ITPK1: variants seen among roughly 807,000 people sequenced by gnomAD.
ITPK1 encodes the protein inositol 1,3,4-trisphosphate 5/6-kinase.
In ITPK1, 21 loss-of-function variants were observed where a neutral mutation model predicts 45.3. That is an observed-to-expected ratio of 0.46 (90% CI 0.33 to 0.67). The LOEUF (loss-of-function observed/expected upper bound fraction) is 0.67, where lower values mean the gene tolerates loss of function less well. Among genes scored for constraint, ITPK1 ranks in the 30% least tolerant of loss-of-function variants. The pLI is 0.02. For missense variants in ITPK1, 474 were observed against 573.5 expected (o/e 0.83, Z 1.77); for synonymous variants, 258 against 253.6 (o/e 1.02, Z -0.16).
chr14:93,079,023 C>T (rs2139988046), intron 2 of ITPK1, among the ~76,000 whole-genome samples: 1 of 152,310 alleles, frequency 6.6e-6, no homozygotes, highest in East Asian at 1.9e-4. Flanking sequence ...TGAGTCAACC[C>T]TGCTGGCATC....
At chr14:93,028,684 A>G (rs61009357) in intron 3 of ITPK1, among the ~76,000 whole-genome samples, 5,341 of 152,272 alleles carry the variant, frequency 0.035, 328 homozygotes, top group African/African-American at 0.12. Flanking sequence ...CACCTCCCCA[A>G]GCGGATGTCA....
chr14:92,971,021 CCTTT>C (rs1214353105), intron 5 of ITPK1, among the ~76,000 whole-genome samples: 1 of 152,156 alleles, frequency 6.6e-6, no homozygotes, highest in Admixed American at 6.5e-5. Flanking sequence ...CCCCACACGC[CCTTT>C]CTTTCCCCTC....
At chr14:93,027,786 T>G (rs559941632) in intron 3 of ITPK1, among the ~76,000 whole-genome samples, 1 of 152,302 alleles carries the variant, frequency 6.6e-6, no homozygotes, top group East Asian at 1.9e-4. Context: ...ATGGCACACG[T>G]GACAACCTCA....
intron 3 of ITPK1, among the ~76,000 whole-genome samples, chr14:93,065,913 T>A (rs530760436): frequency 6.6e-6 from 1 of 151,972 alleles, no homozygotes; most frequent in East Asian, 1.9e-4. Flanking sequence ...GCTCAACTGT[T>A]CCCCCAAATG....
At chr14:92,981,976 G>C (rs1886256849) in intron 5 of ITPK1, among the ~76,000 whole-genome samples, 1 of 152,220 alleles carries the variant, frequency 6.6e-6, no homozygotes, top group African/African-American at 2.4e-5. Context: ...GGTCAAGAGG[G>C]GTGCCCCTGG....
At chr14:93,047,257 G>A in intron 3 of ITPK1, among the ~76,000 whole-genome samples, 1 of 152,198 alleles carries the variant, frequency 6.6e-6, no homozygotes, top group East Asian at 1.9e-4. Flanking sequence ...ACTCACTTTG[G>A]GGTGGGCAAG....
At chr14:92,990,857 C>A (rs990291849) in intron 5 of ITPK1, among the ~76,000 whole-genome samples, 3 of 152,194 alleles carry the variant, frequency 2.0e-5, no homozygotes, top group Non-Finnish European at 2.9e-5. Flanking sequence ...ACTGCCCACC[C>A]CCACCGCAAA....
rs759209329 is a variant in ITPK1, at chr14:93,016,789, G to T, written c.133C>A (p.Arg45=). Residue 45 remains arginine, a synonymous_variant, in exon 4 of 11, where the codon CGG becomes AGG. Coordinates refer to ENST00000267615, the MANE Select transcript of ITPK1 (RefSeq NM_014216.6). The surrounding 1 kb of genome is among the most constrained non-coding windows in gnomAD (Gnocchi z 5.0). ...AGGGGGCCCTGCTCCTCGATCGGCC[G>T]GCTAAGGTTCAGCTGTGAGGCAGGG... The part of the protein sequence containing the change: ...GMEVVQLNLS[R]PIEEQGPLDV... 6.2e-7 allele frequency: 1 copy of T among 1,614,026 alleles called. No homozygotes were observed. The highest frequency in any genetic ancestry group is 8.5e-7 in the Non-Finnish European group (1 of 1,179,982).
At chr14:93,052,746 C>T (rs1027411492) in intron 3 of ITPK1, among the ~76,000 whole-genome samples, 5 of 152,180 alleles carry the variant, frequency 3.3e-5, no homozygotes, top group East Asian at 3.8e-4. Flanking sequence ...GCTGGTGGTA[C>T]AGGAAACAGC....
intron 3 of ITPK1, among the ~76,000 whole-genome samples, chr14:93,048,269 T>C (rs1889865297): frequency 6.6e-6 from 1 of 152,240 alleles, no homozygotes; most frequent in Non-Finnish European, 1.5e-5. Context: ...GCCTTCGGCC[T>C]TCAAAGCTTT....
At position 93,112,471 on chromosome 14, in the gene ITPK1, G is replaced by A. The variant is rs569594191; in HGVS notation, c.95+2598C>T. On this transcript the variant is annotated intron_variant, in intron 2 of 10. Coordinates refer to ENST00000267615, the MANE Select transcript of ITPK1 (RefSeq NM_014216.6). The stretch of plus-strand genomic sequence containing the variant: ...TTTTTTTTTTTTGAGATGGAGTCTC[G>A]CTCTGTCACCCAAGCTAGAGTGCAG... Among the ~76,000 whole-genome samples the A allele has an allele frequency of 2.8e-3, 373 of 131,476 alleles. 2 individuals carry two copies. Among genetic ancestry groups the A allele is most frequent in the African/African-American group, 0.011 (360 of 33,882 alleles). 86.3% of individuals were successfully genotyped at this position (131,476 alleles called of 152,430 possible). A position where few individuals can be genotyped will look rare whatever the true frequency, so the allele number is the denominator to read the frequency against.
Position 92,940,523 on chromosome 14 carries a change from G to A in ITPK1, c.*1038C>T. Reference sequence around the variant, plus strand: ...ATGAGAGGTGGACCAGGCCTGCTGGGTGAGGAGGGACCCAGCAGGTGTGAA... The same window carrying A: ...ATGAGAGGTGGACCAGGCCTGCTGGATGAGGAGGGACCCAGCAGGTGTGAA... On this transcript the variant is annotated 3_prime_UTR_variant, in exon 11 of 11. Transcript: ENST00000267615. 8.6e-7 allele frequency: 1 copy of A among 1,169,102 alleles called. No individual in the cohort carries two copies. Among genetic ancestry groups the A allele is most frequent in the Non-Finnish European group, 1.1e-6 (1 of 931,750 alleles). 72.4% of individuals were successfully genotyped at this position (1,169,102 alleles called of 1,614,324 possible). A position where few individuals can be genotyped will look rare whatever the true frequency, so the allele number is the denominator to read the frequency against.
chr14:93,042,310 T>C lies in ITPK1; in HGVS notation c.121-25509A>G, dbSNP rs571996836. On this transcript the variant is annotated intron_variant, in intron 3 of 10. Coordinates refer to ENST00000267615, the MANE Select transcript of ITPK1 (RefSeq NM_014216.6). ...ATGATAGCCATATGTGAACAGAAAG[T>C]GGCTAAGAACAAAAACAGTCCCTCT... is the stretch of plus-strand genomic sequence containing the variant. 7.2e-5 allele frequency among the ~76,000 whole-genome samples: 11 copies of C among 152,262 alleles called. No homozygotes were observed. The South Asian group carries it at 1.7e-3, about 23-fold the overall frequency.
In ITPK1 at chr14:93,032,133, T is replaced by C. The variant is rs1294896069; in HGVS notation, c.121-15332A>G. 6.6e-6 allele frequency among the ~76,000 whole-genome samples: 1 copy of C among 152,050 alleles called. No homozygotes were observed. The highest frequency in any genetic ancestry group is 1.5e-5 in the Non-Finnish European group (1 of 68,008). On this transcript the variant is annotated intron_variant, in intron 3 of 10. Transcript: ENST00000267615. The surrounding 1 kb of genome is among the most constrained non-coding windows in gnomAD (Gnocchi z 4.0). ...AGGAGGCTGGGGCGGGCGGATCACT[T>C]GGGGTCAGGAGTTTGCAACCAGCCT...
intron 8 of ITPK1, among the ~76,000 whole-genome samples, chr14:92,952,582 G>A (rs1046737855): frequency 2.0e-5 from 3 of 152,160 alleles, no homozygotes; most frequent in South Asian, 2.1e-4. Flanking sequence ...CACAGGATCC[G>A]TCCAAGAAAG....
At chr14:93,026,533 T>G (rs1207850563) in intron 3 of ITPK1, among the ~76,000 whole-genome samples, 1 of 152,200 alleles carries the variant, frequency 6.6e-6, no homozygotes, top group African/African-American at 2.4e-5. Context: ...GGATGCAGAT[T>G]CAACCGTCTC....
chr14:93,008,492 G>GGGGCCA (rs1159428901), intron 4 of ITPK1, among the ~76,000 whole-genome samples: 1 of 152,256 alleles, frequency 6.6e-6, no homozygotes, highest in Non-Finnish European at 1.5e-5. Context: ...CAAACGGGTA[G>GGGGCCA]GGGCCAGGGC....
rs1451094284 is a variant in ITPK1, at chr14:93,115,831, G to C, written c.-202C>G. The C allele has an allele frequency of 6.8e-6, 1 of 147,384 alleles. No individual in the cohort carries two copies. Among genetic ancestry groups the C allele is most frequent in the Non-Finnish European group, 1.5e-5 (1 of 65,954 alleles). 9.1% of individuals were successfully genotyped at this position (147,384 alleles called of 1,614,324 possible). A position where few individuals can be genotyped will look rare whatever the true frequency, so the allele number is the denominator to read the frequency against. On this transcript the variant is annotated 5_prime_UTR_variant, in exon 1 of 11. Coordinates refer to ENST00000267615, the MANE Select transcript of ITPK1 (RefSeq NM_014216.6). ...GTCCTCGCGCGCTGCCCGCCGAGAA[G>C]GGCGGCGGCGAGCGCCCGCGCACTC...
At chr14:92,942,060 A>AG (rs1339264909) in intron 10 of ITPK1, among the ~76,000 whole-genome samples, 156 bp from the exon 11 acceptor site, 4 of 152,274 alleles carry the variant, frequency 2.6e-5, no homozygotes, top group Admixed American at 6.5e-5. Context: ...TCAGCAGATA[A>AG]GGGGGGCTGA....
Sources: allele counts gnomAD v4.1 joint callset (sites outside exome capture counted in the v4.1 genomes callset), GRCh38; gene constraint gnomAD v4.1.1; non-coding constraint Gnocchi (gnomAD v3.1); transcripts MANE v1.5; gene names NCBI Gene and HGNC (gene_info 2026-07-23, HGNC 2026-07-21).